The following ALX4 variants were observed in gnomAD, a reference collection of about 807,000 sequenced individuals.
ALX4 encodes ALX homeobox 4.
A neutral mutation model predicts 40.6 loss-of-function variants in ALX4; 22 were observed. The observed-to-expected ratio is 0.54, with a 90% CI of 0.39 to 0.77. The LOEUF is 0.77. Among genes scored for constraint, ALX4 ranks in the 30% least tolerant of loss-of-function variants. The probability of loss-of-function intolerance (pLI) is 0.00; values close to 1 mark genes in which losing one functional copy is unlikely to be tolerated. For missense variants in ALX4, 556 were observed against 564.8 expected, an observed-to-expected ratio of 0.98 and a Z score of 0.16; for synonymous variants, 266 against 240.5, an observed-to-expected ratio of 1.11 and a Z score of -0.98.
intron 1 of ALX4, among the ~76,000 whole-genome samples, chr11:44,303,779 G>C (rs1246895016): frequency 6.6e-6 from 1 of 152,230 alleles, no homozygotes; most frequent in African/African-American, 2.4e-5. Context: ...GGACACAGTG[G>C]AAGCTTCTTC....
intron 1 of ALX4, among the ~76,000 whole-genome samples, chr11:44,294,491 G>A (rs1376047953): frequency 6.6e-6 from 1 of 152,230 alleles, no homozygotes; most frequent in Non-Finnish European, 1.5e-5. Flanking sequence ...ACATGTGTAC[G>A]AGGTGCAGCA....
At chr11:44,272,557 G>C (rs1396294879) in intron 2 of ALX4, among the ~76,000 whole-genome samples, 1 of 150,782 alleles carries the variant, frequency 6.6e-6, no homozygotes, top group Non-Finnish European at 1.5e-5. Context: ...TGTAATCTCA[G>C]CACTTTGGGA....
chr11:44,280,651 C>T (rs115412713), intron 1 of ALX4, among the ~76,000 whole-genome samples: 1 of 152,316 alleles, frequency 6.6e-6, no homozygotes, highest in African/African-American at 2.4e-5. Context: ...AAGTAAACCC[C>T]TGACTACTTA....
chr11:44,303,259 C>T (rs1314863752), intron 1 of ALX4, among the ~76,000 whole-genome samples: 2 of 152,238 alleles, frequency 1.3e-5, no homozygotes, highest in Non-Finnish European at 2.9e-5. Flanking sequence ...AAAATCCACT[C>T]TTAAAGAATC....
intron 1 of ALX4, among the ~76,000 whole-genome samples, chr11:44,298,175 C>A (rs555180127): frequency 6.6e-6 from 1 of 152,348 alleles, no homozygotes; most frequent in Admixed American, 6.5e-5. Context: ...AGCTGTTCCC[C>A]CTCTTTGAAC....
chr11:44,297,740 TA>T, intron 1 of ALX4, among the ~76,000 whole-genome samples: 1 of 151,716 alleles, frequency 6.6e-6, no homozygotes, highest in Non-Finnish European at 1.5e-5. Context: ...TAAAATAAAA[TA>T]AAATAAAAAG....
intron 2 of ALX4, among the ~76,000 whole-genome samples, chr11:44,273,547 T>G (rs1197333690): frequency 1.3e-5 from 2 of 152,194 alleles, no homozygotes; most frequent in Admixed American, 1.3e-4. Context: ...TTTCTCTAAT[T>G]GGTGGGAATA....
At chr11:44,287,607 AAAAG>A (rs1312194373) in intron 1 of ALX4, among the ~76,000 whole-genome samples, 255 of 5,408 alleles carry the variant, frequency 0.047, no homozygotes, top group African/African-American at 0.071. Flanking sequence ...AAAAAAAAAG[AAAAG>A]AAAAGAAAAG....
intron 2 of ALX4, among the ~76,000 whole-genome samples, chr11:44,272,516 G>T (rs947344627): frequency 3.6e-5 from 5 of 140,498 alleles, no homozygotes; most frequent in Non-Finnish European, 7.7e-5. Context: ...AAAAAAAAAG[G>T]CAGTCTGGGC....
intron 1 of ALX4, among the ~76,000 whole-genome samples, chr11:44,299,649 T>C (rs10838256): frequency 0.55 from 83,965 of 151,968 alleles, 23,531 homozygotes; most frequent in South Asian, 0.8. Flanking sequence ...CATGAGCCAC[T>C]GCACCGTGCC....
intron 1 of ALX4, among the ~76,000 whole-genome samples, chr11:44,294,457 G>A (rs879367555): frequency 1.3e-5 from 2 of 152,110 alleles, no homozygotes; most frequent in Non-Finnish European, 2.9e-5. Flanking sequence ...TCAGCAGGGA[G>A]AGAGTTATTC....
chr11:44,305,020 C>T lies in ALX4; in HGVS notation c.466+4577G>A, dbSNP rs1250799227. Among the ~76,000 whole-genome samples the T allele has an allele frequency of 9.9e-5, 15 of 152,192 alleles. 1 individual carries two copies. Among genetic ancestry groups the T allele is most frequent in the Non-Finnish European group, 1.3e-4 (9 of 68,022 alleles). On this transcript the variant is annotated intron_variant, in intron 1 of 3. Coordinates refer to ENST00000652299, the MANE Select transcript of ALX4 (RefSeq NM_021926.4). Reference sequence around the variant, plus strand: ...ATTCAAGAAACACTGCTGTCAGGAACAAAATGGGGTCCCCGGTGCTCCGAA... The same window carrying T: ...ATTCAAGAAACACTGCTGTCAGGAATAAAATGGGGTCCCCGGTGCTCCGAA...
At chr11:44,275,257 T>C in intron 2 of ALX4, 91 bp downstream of exon 2, 1 of 1,330,668 alleles carries the variant, frequency 7.5e-7, no homozygotes, top group Non-Finnish European at 1.1e-6. Context: ...CATGGTGTGG[T>C]TGGTGGGCAG....
chr11:44,301,484 C>T (rs1355611494), intron 1 of ALX4, among the ~76,000 whole-genome samples: 3 of 152,176 alleles, frequency 2.0e-5, no homozygotes, highest in African/African-American at 7.2e-5. Context: ...AGAGTCAGGT[C>T]CCTGCAATCC....
At chr11:44,298,611 A>T (rs1469631112) in intron 1 of ALX4, among the ~76,000 whole-genome samples, 1 of 152,056 alleles carries the variant, frequency 6.6e-6, no homozygotes, top group Admixed American at 6.5e-5. Flanking sequence ...CCATTTGGCT[A>T]GAGCCGACCC....
At chr11:44,305,863 G>A (rs1956463956) in intron 1 of ALX4, among the ~76,000 whole-genome samples, 1 of 152,262 alleles carries the variant, frequency 6.6e-6, no homozygotes, top group South Asian at 2.1e-4. Context: ...AGGGAAGGGA[G>A]AAGAGGGGCA....
At chr11:44,298,765 G>A (rs1477654882) in intron 1 of ALX4, among the ~76,000 whole-genome samples, 1 of 147,344 alleles carries the variant, frequency 6.8e-6, no homozygotes, top group Non-Finnish European at 1.5e-5. Context: ...CCAGAGCCTC[G>A]CTGCTCCTAC....
intron 2 of ALX4, among the ~76,000 whole-genome samples, chr11:44,270,361 G>A (rs549490364): frequency 1.3e-4 from 20 of 151,982 alleles, no homozygotes; most frequent in Non-Finnish European, 2.2e-4. Flanking sequence ...GTGAGCGACC[G>A]GTGGGAGCAG....
chr11:44,275,574 T>A lies in ALX4; in HGVS notation c.551A>T (p.Glu184Val). Reference protein sequence around the residue: ...GMDSSYLSVKEAGVKGPQDRA... With the variant: ...GMDSSYLSVKVAGVKGPQDRA... ...GTCCTGGGGCCCCTTCACCCCAGCC[T>A]CCTTGACACTCAGGTAGCTGCTGTC... Residue 184 changes from glutamate (E) to valine (V), a missense_variant, in exon 2 of 4, where the codon GAG (glutamate) becomes GTG (valine). Coordinates refer to ENST00000652299, the MANE Select transcript of ALX4 (RefSeq NM_021926.4). 1 of 1,614,090 alleles carries A rather than the reference T, an allele frequency of 6.2e-7. No individual in the cohort carries two copies. The highest frequency in any genetic ancestry group is 1.3e-5 in the African/African-American group (1 of 75,026).
Sources: allele counts gnomAD v4.1 joint callset (sites outside exome capture counted in the v4.1 genomes callset), GRCh38; gene constraint gnomAD v4.1.1; transcripts MANE v1.5; gene names NCBI Gene and HGNC (gene_info 2026-07-23, HGNC 2026-07-21).